Variants in SPATA1 observed in about 807,000 individuals in gnomAD.
SPATA1 encodes the protein spermatogenesis associated 1.
Under a neutral mutation model 59.6 loss-of-function variants are expected in SPATA1, and 57 were observed. The ratio of observed to expected loss-of-function variants is 0.96; its 90% CI spans 0.77 to 1.19. SPATA1 has a LOEUF of 1.19. SPATA1 is among the 50% of genes most tolerant of loss of function. The pLI is 0.00. For missense variants in SPATA1, 448 were observed against 480.7 expected (o/e 0.93, Z 0.64); for synonymous variants, 147 against 163.9 (o/e 0.90, Z 0.79).
intron 6 of SPATA1, among the ~76,000 whole-genome samples, chr1:84,529,858 CTTT>C (rs71582921): frequency 8.5e-6 from 1 of 117,498 alleles, no homozygotes. Context: ...AGCCTAAACT[CTTT>C]TTTTTTTTTT....
intron 4 of SPATA1, among the ~76,000 whole-genome samples, chr1:84,560,246 T>C (rs1684565692): frequency 6.6e-6 from 1 of 152,274 alleles, no homozygotes; most frequent in Non-Finnish European, 1.5e-5. Flanking sequence ...TACTCTAACC[T>C]TTCCCACCAC....
downstream of SPATA1, chr1:84,555,051 T>C: frequency 6.2e-7 from 1 of 1,614,070 alleles, no homozygotes; most frequent in Non-Finnish European, 8.5e-7. Context: ...TTCAGTTTGC[T>C]GTTTGGCTAC....
In SPATA1 at chr1:84,515,199, T is replaced by TA. The variant is rs990874116; in HGVS notation, c.-137-1023dup. Among the ~76,000 whole-genome samples the TA allele has an allele frequency of 3.3e-5, 5 of 152,256 alleles. No individual in the cohort carries two copies. In the East Asian group the frequency reaches 5.8e-4, roughly 18 times the overall value. ...AGAGGCTAATATTAATACAATGGCA[T>TA]ACAGAGTTTTTGGATAGATATATAA... On this transcript the variant is annotated intron_variant, in intron 1 of 12. Coordinates refer to ENST00000490879, the Ensembl canonical transcript of SPATA1.
intron 8 of SPATA1, 74 bp from the exon 9 acceptor site, chr1:84,544,128 C>G (rs1449405475): frequency 1.0e-6 from 1 of 1,003,856 alleles, no homozygotes; most frequent in East Asian, 2.6e-5. Flanking sequence ...TTTGCATTAT[C>G]AAATACCTAC....
At chr1:84,516,524 A>G in intron 2 of SPATA1, 129 bp downstream of exon 2, 1 of 585,278 alleles carries the variant, frequency 1.7e-6, no homozygotes, top group Non-Finnish European at 3.0e-6. Flanking sequence ...TCCCAACTTC[A>G]TGTATCCCAT....
downstream of SPATA1, among the ~76,000 whole-genome samples, chr1:84,559,466 C>T (rs187415951): frequency 1.3e-5 from 2 of 151,898 alleles, no homozygotes; most frequent in East Asian, 3.9e-4. Flanking sequence ...ACTAAAAATA[C>T]AAAAAATTAG....
chr1:84,556,143 T>TAA (rs991036830), downstream of SPATA1, among the ~76,000 whole-genome samples: 11 of 152,166 alleles, frequency 7.2e-5, no homozygotes, highest in Non-Finnish European at 1.6e-4. Context: ...AAAGTCCTTC[T>TAA]GCCCAGAATC....
At chr1:84,514,970 C>CA (rs1333837315) in intron 1 of SPATA1, among the ~76,000 whole-genome samples, 8 of 146,438 alleles carry the variant, frequency 5.5e-5, no homozygotes, top group African/African-American at 1.3e-4. Flanking sequence ...GACTCTGTCT[C>CA]AAAAAAAAAG....
intron 1 of SPATA1, among the ~76,000 whole-genome samples, chr1:84,515,123 AATGAAGT>A (rs1185872220): frequency 2.0e-5 from 3 of 152,238 alleles, no homozygotes; most frequent in Non-Finnish European, 4.4e-5. Context: ...CTTATCTAAT[AATGAAGT>A]GACCATATAT....
In SPATA1 at chr1:84,544,295, C is replaced by T; in HGVS notation, c.811C>T (p.Gln271Ter). 6.4e-7 allele frequency: 1 copy of T among 1,568,176 alleles called. No homozygotes were observed. The change falls in exon 9 of 13, where the codon CAA (glutamine) becomes TAA (stop). Residue 271 changes from glutamine to a stop codon, truncating the protein, a stop_gained. Coordinates refer to ENST00000490879, the Ensembl canonical transcript of SPATA1. LOFTEE classifies it high-confidence loss of function. Reference sequence around the variant, plus strand: ...AGGAATAACTGATATATCTTTATTACAAACTGAAAGTAAGTATAGTGCAAT... The same window carrying T: ...AGGAATAACTGATATATCTTTATTATAAACTGAAAGTAAGTATAGTGCAAT...
intron 4 of SPATA1, among the ~76,000 whole-genome samples, chr1:84,560,407 T>G (rs1359099208): frequency 6.6e-6 from 1 of 152,212 alleles, no homozygotes; most frequent in Non-Finnish European, 1.5e-5. Flanking sequence ...TCAGTCTGTT[T>G]GCATTAGCTC....
At chr1:84,550,911 A>AT (rs1184345793) in intron 12 of SPATA1, 15 of 978,242 alleles carry the variant, frequency 1.5e-5, no homozygotes, top group African/African-American at 1.8e-5. Context: ...TAATCGTTTC[A>AT]TTTTTTCTGG....
chr1:84,516,482 A>G (rs949243586), intron 2 of SPATA1, 87 bp downstream of exon 2: 1 of 770,946 alleles, frequency 1.3e-6, no homozygotes, highest in East Asian at 3.1e-5. Flanking sequence ...AACATAGATT[A>G]TATAAAGTAT....
At chr1:84,526,254 C>A in intron 6 of SPATA1, 181 bp downstream of exon 6, 1 of 505,342 alleles carries the variant, frequency 2.0e-6, no homozygotes, top group Non-Finnish European at 3.5e-6. Flanking sequence ...GAAAAGAAAA[C>A]AATTTAAGTA....
At chr1:84,506,835 G>A (rs1682274440) in intron 1 of SPATA1, 1 of 152,298 alleles carries the variant, frequency 6.6e-6, no homozygotes, top group South Asian at 2.1e-4. Flanking sequence ...CTCGAGGTTT[G>A]ACTTTACTGG....
chr1:84,545,011 C>A (rs1247855413), intron 9 of SPATA1, among the ~76,000 whole-genome samples: 1 of 150,574 alleles, frequency 6.6e-6, no homozygotes, highest in African/African-American at 2.4e-5. Context: ...GAGTTCGAGA[C>A]CAGCCTGGCC....
At chr1:84,531,443 A>G (rs1001771478) in intron 6 of SPATA1, among the ~76,000 whole-genome samples, 2 of 152,078 alleles carry the variant, frequency 1.3e-5, no homozygotes, top group Admixed American at 6.6e-5. Flanking sequence ...GATTACAGAC[A>G]TGAGCCGCCA....
At chr1:84,519,843 C>T (rs985840546) in intron 2 of SPATA1, among the ~76,000 whole-genome samples, 8 of 152,004 alleles carry the variant, frequency 5.3e-5, no homozygotes, top group African/African-American at 1.4e-4. Context: ...ATATTGCATT[C>T]GAGAATATTC....
chr1:84,546,216 G>A (rs558327030), intron 10 of SPATA1, among the ~76,000 whole-genome samples: 1 of 152,282 alleles, frequency 6.6e-6, no homozygotes, highest in African/African-American at 2.4e-5. Context: ...AACTTTGGGA[G>A]GCCGAGGCAG....
Sources: allele counts gnomAD v4.1 joint callset (sites outside exome capture counted in the v4.1 genomes callset), GRCh38; gene constraint gnomAD v4.1.1; transcripts MANE v1.5; gene names NCBI Gene and HGNC (gene_info 2026-07-23, HGNC 2026-07-21).